The following C15orf40 variants were observed in gnomAD, a reference collection of about 807,000 sequenced individuals.
C15orf40 encodes UPF0235 protein C15orf40.
A neutral mutation model predicts 13.9 loss-of-function variants in C15orf40; 9 were observed. That is an observed-to-expected ratio of 0.65 (90% CI 0.39 to 1.13). The LOEUF (loss-of-function observed/expected upper bound fraction) is 1.13, where lower values mean the gene tolerates loss of function less well. C15orf40 is among the 50% of genes most tolerant of loss of function. The pLI, the probability that C15orf40 is intolerant of heterozygous loss-of-function variation, is 0.01. For synonymous variants in C15orf40, 95 were observed against 69.2 expected, an observed-to-expected ratio of 1.37 and a Z score of -1.85; for missense variants, 225 against 188.5, an observed-to-expected ratio of 1.19 and a Z score of -1.13.
chr15:83,010,418 A>G (rs1596413629), intron 1 of C15orf40, 55 bp from the exon 2 acceptor site: 1 of 1,603,412 alleles, frequency 6.2e-7, no homozygotes, highest in East Asian at 2.2e-5. Flanking sequence ...CCACACATTT[A>G]ATTTGATTCT....
downstream of C15orf40, among the ~76,000 whole-genome samples, chr15:82,992,934 A>G (rs977482255): frequency 1.8e-4 from 27 of 152,230 alleles, no homozygotes; most frequent in African/African-American, 6.5e-4. Flanking sequence ...TAAAAGGTAC[A>G]GTTTCTGCTT....
rs1392365101 is a variant in C15orf40, at chr15:82,998,576, G to T, written c.*7021C>A. The stretch of plus-strand genomic sequence containing the variant: ...GCTCCCCACATCTCAGATGATGGGC[G>T]GCCGGGCAGAGACGCTCCTCACTTC... On this transcript the variant is annotated 3_prime_UTR_variant, in exon 4 of 4. Transcript: ENST00000304177. 1 of 81,306 alleles carries T rather than the reference G, an allele frequency of 1.2e-5. No individual in the cohort carries two copies. Among genetic ancestry groups the T allele is most frequent in the African/African-American group, 5.4e-5 (1 of 18,482 alleles). The allele number at this position is 81,306 out of a possible 1,614,324, so 5.0% of individuals were successfully genotyped here.
At chr15:82,991,245 AT>A (rs1020717677), downstream of C15orf40, among the ~76,000 whole-genome samples, 3 of 152,152 alleles carry the variant, frequency 2.0e-5, no homozygotes, top group African/African-American at 7.2e-5. Context: ...AAAAATATAT[AT>A]ATTTAAAAAG....
rs1567086746 is a variant in C15orf40 at position 82,995,069 on chromosome 15, A to G, written c.*10528T>C. The G allele has an allele frequency of 6.6e-6, 1 of 152,254 alleles. No homozygotes were observed. The highest frequency in any genetic ancestry group is 1.9e-4 in the East Asian group (1 of 5,204). 9.4% of individuals were successfully genotyped at this position (152,254 alleles called of 1,614,324 possible). Reference sequence around the variant, plus strand: ...ATGAAATAAACAACTAGATTCAAGTAGTAGATTACAACACTGGAGCCCACA... The same window carrying G: ...ATGAAATAAACAACTAGATTCAAGTGGTAGATTACAACACTGGAGCCCACA... On this transcript the variant is annotated 3_prime_UTR_variant, in exon 4 of 4. Coordinates refer to ENST00000304177, the MANE Select transcript of C15orf40 (RefSeq NM_144597.3).
In C15orf40 at chr15:83,008,543, C is replaced by A. The variant is rs1402699924; in HGVS notation, c.366+5G>T. 1 of 1,612,594 alleles carries A rather than the reference C, an allele frequency of 6.2e-7. No individual in the cohort carries two copies. The highest frequency in any genetic ancestry group is 2.2e-5 in the East Asian group (1 of 44,830). On this transcript the variant is annotated splice_donor_5th_base_variant and intron_variant, in intron 3 of 3. Coordinates refer to ENST00000304177, the MANE Select transcript of C15orf40 (RefSeq NM_144597.3). ...CAAAAAAAAAAAAAAGAGAGCGAGA[C>A]CTACCTTATCCAAAACCACATCACT...
Position 83,011,551 on chromosome 15 carries a change from G to A in C15orf40, c.57C>T (p.Gly19=), listed in dbSNP as rs995539782. ...TCTCGGCGCAAAGAAGCCGAGCGGA[G>A]CCCCGAGTATTGGGTGTTGCCCGAA... The part of the protein sequence containing the change: ...RHLRATPNTR[G]SARLLCAEMP... Residue 19 remains glycine, a synonymous_variant, in exon 1 of 4, where the codon GGC becomes GGT. Coordinates refer to ENST00000304177, the MANE Select transcript of C15orf40 (RefSeq NM_144597.3). 2.5e-6 allele frequency: 4 copies of A among 1,606,662 alleles called. No homozygotes were observed. The highest frequency in any genetic ancestry group is 3.4e-6 in the Non-Finnish European group (4 of 1,178,526).
At chr15:83,009,510 T>C (rs2031880265) in intron 2 of C15orf40, among the ~76,000 whole-genome samples, 1 of 152,238 alleles carries the variant, frequency 6.6e-6, no homozygotes, top group Admixed American at 6.5e-5. Context: ...AAAAATGGTT[T>C]GAAATACAGA....
At position 83,004,421 on chromosome 15, in the gene C15orf40, T is replaced by C. The variant is rs2031563526; in HGVS notation, c.*1176A>G. The stretch of plus-strand genomic sequence containing the variant: ...TGATCAGCAAAGGAAATTAATTTTA[T>C]TTTCTTTAATAAATTACTATAACTT... On this transcript the variant is annotated 3_prime_UTR_variant, in exon 4 of 4. Transcript: ENST00000304177. The C allele has an allele frequency of 2.1e-6, 2 of 941,738 alleles. No individual in the cohort carries two copies. Among genetic ancestry groups the C allele is most frequent in the Non-Finnish European group, 2.5e-6 (2 of 790,044 alleles). 58.3% of individuals were successfully genotyped at this position (941,738 alleles called of 1,614,324 possible).
At position 83,001,627 on chromosome 15, in the gene C15orf40, T is replaced by C. The variant is rs965350331; in HGVS notation, c.*3970A>G. On this transcript the variant is annotated 3_prime_UTR_variant, in exon 4 of 4. Transcript: ENST00000304177. ...TACGGAGGCTGAATATTTTGTGTCTTGGGCACTAGGTCACTGGGTCTACTT... is the reference window on the plus strand; with the variant it reads ...TACGGAGGCTGAATATTTTGTGTCTCGGGCACTAGGTCACTGGGTCTACTT... The C allele has an allele frequency of 6.6e-6, 1 of 152,206 alleles. No homozygotes were observed. Among genetic ancestry groups the C allele is most frequent in the African/African-American group, 2.4e-5 (1 of 41,446 alleles). 9.4% of individuals were successfully genotyped at this position (152,206 alleles called of 1,614,324 possible).
downstream of C15orf40, among the ~76,000 whole-genome samples, chr15:82,994,380 G>A (rs569009929): frequency 1.9e-4 from 29 of 152,110 alleles, no homozygotes; most frequent in South Asian, 1.5e-3. Context: ...AAGCCAAACC[G>A]AAATACAATT....
intron 3 of C15orf40, among the ~76,000 whole-genome samples, chr15:83,006,736 A>G (rs2031706238): frequency 6.6e-6 from 1 of 152,260 alleles, no homozygotes. Context: ...ATCGCACCCT[A>G]GCCTGGGCAA....
In C15orf40 at chr15:83,002,743, G is replaced by A. The variant is rs1184407435; in HGVS notation, c.*2854C>T. On this transcript the variant is annotated 3_prime_UTR_variant, in exon 4 of 4. Transcript: ENST00000304177. Reference sequence around the variant, plus strand: ...TTGGCCTTTTGTCTACATGAAACAAGTGGGCCTGAGGATGAAACTGGCACT... The same window carrying A: ...TTGGCCTTTTGTCTACATGAAACAAATGGGCCTGAGGATGAAACTGGCACT... 6.6e-6 allele frequency: 1 copy of A among 152,276 alleles called. No homozygotes were observed. The highest frequency in any genetic ancestry group is 6.5e-5 in the Admixed American group (1 of 15,276). 9.4% of individuals were successfully genotyped at this position (152,276 alleles called of 1,614,324 possible).
downstream of C15orf40, chr15:82,991,817 C>T: frequency 8.7e-7 from 1 of 1,152,806 alleles, no homozygotes; most frequent in Admixed American, 2.3e-5. Flanking sequence ...GGCAAGAAGC[C>T]AGTGCTGTTA....
chr15:82,989,718 G>C, downstream of C15orf40, among the ~76,000 whole-genome samples: 1 of 152,160 alleles, frequency 6.6e-6, no homozygotes, highest in East Asian at 1.9e-4. Context: ...TCAATCTTAG[G>C]AAAGTTTTGA....
downstream of C15orf40, chr15:82,989,986 G>T (rs761184040): frequency 6.2e-7 from 1 of 1,602,716 alleles, no homozygotes. Context: ...ACAACTACCC[G>T]CAACACAGAC....
downstream of C15orf40, chr15:82,990,642 A>C (rs1447685345): frequency 1.3e-6 from 2 of 1,527,922 alleles, no homozygotes; most frequent in Non-Finnish European, 1.8e-6. Flanking sequence ...TTTAGAGGGA[A>C]ATCAGTAATA....
In C15orf40 at chr15:82,997,184, T is replaced by A. The variant is rs2031131632; in HGVS notation, c.*8413A>T. The A allele has an allele frequency of 6.6e-6, 1 of 150,644 alleles. No homozygotes were observed. Among genetic ancestry groups the A allele is most frequent in the Non-Finnish European group, 1.5e-5 (1 of 67,886 alleles). The allele number at this position is 150,644 out of a possible 1,614,324, so 9.3% of individuals were successfully genotyped here. On this transcript the variant is annotated 3_prime_UTR_variant, in exon 4 of 4. Coordinates refer to ENST00000304177, the MANE Select transcript of C15orf40 (RefSeq NM_144597.3). ...TTTCCAACATGGTCTTTATTTCTAT[T>A]ATGCTTTTGTTTTTCATTTTTATTT...
chr15:83,010,238 TGTTACAGCATTTTGTTTGGA>T lies in C15orf40; in HGVS notation c.217_236del (p.Ser73ArgfsTer21). The T allele has an allele frequency of 6.2e-7, 1 of 1,614,206 alleles. No homozygotes were observed. The highest frequency in any genetic ancestry group is 8.5e-7 in the Non-Finnish European group (1 of 1,180,024). On this transcript the variant is annotated frameshift_variant and splice_region_variant, in exon 2 of 4. Transcript: ENST00000304177. LOFTEE classifies it high-confidence loss of function. ...TCCCACCCCAGTGTCCAGGTATACC[TGTTACAGCATTTTGTTTGGA>T]GCCAGGTTTTGCATGGATGGCTATG...
chr15:82,992,207 G>A (rs2030891349), downstream of C15orf40, among the ~76,000 whole-genome samples: 1 of 152,146 alleles, frequency 6.6e-6, no homozygotes. Flanking sequence ...CTAGATAGAT[G>A]CTGTCTCTTA....
Sources: gnomAD v4.1 joint callset for allele counts (sites outside exome capture counted in the v4.1 genomes callset) on GRCh38, gnomAD v4.1.1 for gene constraint, MANE v1.5 for transcripts, NCBI Gene and HGNC (gene_info 2026-07-23, HGNC 2026-07-21) for gene names.